DOCK9: variants seen among roughly 807,000 people sequenced by gnomAD.
DOCK9 encodes dedicator of cytokinesis 9.
A neutral mutation model predicts 263.3 loss-of-function variants in DOCK9; 89 were observed. The observed-to-expected ratio is 0.34, with a 90% CI of 0.28 to 0.40. DOCK9 has a LOEUF of 0.40. Among genes scored for constraint, DOCK9 ranks in the 10% least tolerant of loss-of-function variants. The pLI is 1.00. For synonymous variants in DOCK9, 976 were observed against 973.1 expected, an observed-to-expected ratio of 1.00 and a Z score of -0.06; for missense variants, 2,140 against 2,603.4, an observed-to-expected ratio of 0.82 and a Z score of 3.87.
intron 1 of DOCK9, among the ~76,000 whole-genome samples, chr13:98,984,337 A>G (rs576181624): frequency 6.6e-6 from 1 of 152,360 alleles, no homozygotes; most frequent in Non-Finnish European, 1.5e-5. Context: ...ACATGTGCAC[A>G]GTCTACTCAT....
intron 1 of DOCK9, among the ~76,000 whole-genome samples, chr13:99,061,810 C>T (rs2041203773): frequency 6.6e-6 from 1 of 152,012 alleles, no homozygotes; most frequent in Non-Finnish European, 1.5e-5. Flanking sequence ...TTCTAATTTT[C>T]CTATAATAAA....
In DOCK9 at chr13:98,807,695, G is replaced by C; in HGVS notation, c.5480C>G (p.Ser1827Cys). 6.2e-7 allele frequency: 1 copy of C among 1,612,022 alleles called. No homozygotes were observed. Among genetic ancestry groups the C allele is most frequent in the Non-Finnish European group, 8.5e-7 (1 of 1,178,662 alleles). ...LLKLYSDKFG[S>C]ENVKMIQDSG... ...ATCCTGTATCATTTTGACATTTTCA[G>C]AACCAAATTTATCCGAGTACAGTTT... Residue 1827 changes from serine (S) to cysteine (C), a missense_variant, in exon 48 of 53, where the codon TCT becomes TGT. By Grantham distance (112) the Ser-to-Cys change is moderately radical. Around this residue, in one of 2 missense-constraint regions of DOCK9, gnomAD observed 619 missense variants for 861.8 expected, o/e 0.72. Coordinates refer to ENST00000682017, the MANE Select transcript of DOCK9 (RefSeq NM_001366683.2).
At position 98,942,227 on chromosome 13, in the gene DOCK9, T is replaced by G. The variant is rs796841537; in HGVS notation, c.244-11970A>C. ...GTATGTGTCTCTGGTTATGTTTTTTTTTTTGTTGTTTTTTTTTTTTGTTTT... is the reference window on the plus strand; with the variant it reads ...GTATGTGTCTCTGGTTATGTTTTTTGTTTTGTTGTTTTTTTTTTTTGTTTT... On this transcript the variant is annotated intron_variant, in intron 2 of 52. Coordinates refer to ENST00000682017, the MANE Select transcript of DOCK9 (RefSeq NM_001366683.2). Among the ~76,000 whole-genome samples, 507 of 134,658 alleles carry G rather than the reference T, an allele frequency of 3.8e-3. 5 individuals carry two copies. Among genetic ancestry groups the G allele is most frequent in the African/African-American group, 0.016 (490 of 31,226 alleles). 88.3% of individuals were successfully genotyped at this position (134,658 alleles called of 152,430 possible).
chr13:98,874,124 G>A (rs145363541), intron 27 of DOCK9, among the ~76,000 whole-genome samples: 3 of 152,326 alleles, frequency 2.0e-5, no homozygotes, highest in Admixed American at 2.0e-4. Context: ...GTCAAGAAGA[G>A]AAAGTACATC....
In DOCK9 at chr13:98,829,843, A is replaced by G; in HGVS notation, c.4636-87T>C. The G allele has an allele frequency of 8.5e-7, 1 of 1,171,500 alleles. No homozygotes were observed. The highest frequency in any genetic ancestry group is 1.2e-6 in the Non-Finnish European group (1 of 806,952). The allele number at this position is 1,171,500 out of a possible 1,614,324, so 72.6% of individuals were successfully genotyped here. A position where few individuals can be genotyped will look rare whatever the true frequency, so the allele number is the denominator to read the frequency against. Reference sequence around the variant, plus strand: ...TCTGCGTTCAGTTAGGATGTGCCTAAGGACCCAGCAAAGTGGGGGTTGGGG... The same window carrying G: ...TCTGCGTTCAGTTAGGATGTGCCTAGGGACCCAGCAAAGTGGGGGTTGGGG... On this transcript the variant is annotated intron_variant, in intron 41 of 52. Transcript: ENST00000682017. The surrounding 1 kb of genome is among the most constrained non-coding windows in gnomAD (Gnocchi z 4.1).
intron 25 of DOCK9, 79 bp from the exon 26 acceptor site, chr13:98,880,751 G>A: frequency 6.5e-7 from 1 of 1,534,950 alleles, no homozygotes; most frequent in South Asian, 1.2e-5. Context: ...CCCAAGAATG[G>A]AGATCAGGGA....
intron 23 of DOCK9, 86 bp from the exon 24 acceptor site, chr13:98,882,093 G>A: frequency 1.8e-6 from 2 of 1,117,408 alleles, no homozygotes; most frequent in Non-Finnish European, 2.6e-6. Flanking sequence ...AACAAGGATG[G>A]AAGAACTCCC....
intron 27 of DOCK9, among the ~76,000 whole-genome samples, chr13:98,873,879 C>T (rs1187753695): frequency 6.6e-6 from 1 of 152,238 alleles, no homozygotes; most frequent in Non-Finnish European, 1.5e-5. Flanking sequence ...CTTGCACCTT[C>T]CCTGGTAAAC....
intron 13 of DOCK9, among the ~76,000 whole-genome samples, chr13:98,901,200 T>A (rs1019548722): frequency 6.6e-6 from 1 of 152,196 alleles, no homozygotes; most frequent in Non-Finnish European, 1.5e-5. Context: ...CCTCTAATAT[T>A]TAATAATTCT....
chr13:98,861,939 C>G (rs2093883301), intron 32 of DOCK9, among the ~76,000 whole-genome samples: 1 of 152,202 alleles, frequency 6.6e-6, no homozygotes, highest in African/African-American at 2.4e-5. Context: ...CTGTAGCCCA[C>G]AGAGGTGGCC....
chr13:99,023,547 T>C (rs903497038), intron 1 of DOCK9, among the ~76,000 whole-genome samples: 48 of 152,198 alleles, frequency 3.2e-4, no homozygotes, highest in Admixed American at 2.7e-3. Flanking sequence ...GTTCTGGAGA[T>C]GAATGGTGAT....
rs145777909 is a variant in DOCK9, at chr13:99,000,411, T to C, written c.130-44860A>G. On this transcript the variant is annotated intron_variant, in intron 1 of 32. Coordinates refer to the DOCK9 transcript ENST00000427887. ...TTCAGCTCCTTTCAAAGCAAGGTGC[T>C]AGATTCCCAAACTTCTCCTCCTGAG... is the stretch of plus-strand genomic sequence containing the variant. Among the ~76,000 whole-genome samples, 11 of 152,288 alleles carry C rather than the reference T, an allele frequency of 7.2e-5. No homozygotes were observed. In the South Asian group the frequency reaches 1.5e-3, roughly 20 times the overall value.
intron 1 of DOCK9, among the ~76,000 whole-genome samples, chr13:99,055,173 G>A (rs747704650): frequency 7.9e-5 from 12 of 152,140 alleles, no homozygotes; most frequent in Non-Finnish European, 1.5e-4. Flanking sequence ...GGTACACCAG[G>A]ACTTCCTTAT....
chr13:98,949,943 G>C, intron 2 of DOCK9: 1 of 486,238 alleles, frequency 2.1e-6, no homozygotes, highest in Non-Finnish European at 4.0e-6. Context: ...CAATTGCTGT[G>C]CTGTCTGTCA....
chr13:98,817,851 T>C (rs1379128057), intron 45 of DOCK9, among the ~76,000 whole-genome samples: 1 of 149,064 alleles, frequency 6.7e-6, no homozygotes, highest in Non-Finnish European at 1.5e-5. Flanking sequence ...GAAAGTTTGA[T>C]AAAGTAGATA....
chr13:98,989,766 G>A (rs2141692856), intron 1 of DOCK9, among the ~76,000 whole-genome samples: 1 of 152,212 alleles, frequency 6.6e-6, no homozygotes, highest in Non-Finnish European at 1.5e-5. Context: ...ATTAATGACT[G>A]ATCATTTTCT....
At chr13:99,049,311 A>G (rs1199299089) in intron 1 of DOCK9, among the ~76,000 whole-genome samples, 4 of 152,190 alleles carry the variant, frequency 2.6e-5, no homozygotes, top group Non-Finnish European at 5.9e-5. Flanking sequence ...GCAATGCTGA[A>G]GGCTGCTCCT....
chr13:98,896,909 G>A (rs1412885083), intron 15 of DOCK9, among the ~76,000 whole-genome samples: 2 of 152,166 alleles, frequency 1.3e-5, no homozygotes, highest in Non-Finnish European at 2.9e-5. Context: ...TTAAGATGAG[G>A]TCACTAGGCT....
intron 2 of DOCK9, among the ~76,000 whole-genome samples, chr13:98,938,718 T>C (rs567342158): frequency 6.6e-6 from 1 of 150,556 alleles, no homozygotes; most frequent in Non-Finnish European, 1.5e-5. Context: ...GGATTTTTTT[T>C]ATCAATTACT....
Sources: gnomAD v4.1 joint callset for allele counts (sites outside exome capture counted in the v4.1 genomes callset) on GRCh38, gnomAD v4.1.1 for gene constraint, gnomAD v4.1.1 regional missense constraint, Gnocchi (gnomAD v3.1) non-coding constraint, MANE v1.5 for transcripts, NCBI Gene and HGNC (gene_info 2026-07-23, HGNC 2026-07-21) for gene names.